The following CEP131 variants were observed in gnomAD, a reference collection of about 807,000 sequenced individuals.
CEP131 encodes centrosomal protein 131, also known as centrosomal protein of 131 kDa.
In CEP131, 99 loss-of-function variants were observed where a neutral mutation model predicts 136.8. The ratio of observed to expected loss-of-function variants is 0.72; its 90% CI spans 0.62 to 0.86. The LOEUF (loss-of-function observed/expected upper bound fraction) is 0.86. CEP131 is among the 40% of genes least tolerant of loss of function. The pLI, the probability that CEP131 is intolerant of heterozygous loss-of-function variation, is 0.00. For synonymous variants in CEP131, 646 were observed against 612.7 expected (o/e 1.05, Z -0.80); for missense variants, 1,459 against 1,463.0 (o/e 1.00, Z 0.04).
intron 2 of CEP131, among the ~76,000 whole-genome samples, chr17:81,211,613 G>C (rs936501792): frequency 6.6e-6 from 1 of 152,166 alleles, no homozygotes; most frequent in Non-Finnish European, 1.5e-5. Context: ...TTTACCAGGG[G>C]CCTTGGGCCA....
intron 7 of CEP131, among the ~76,000 whole-genome samples, chr17:81,201,842 C>T (rs1026945378): frequency 7.2e-5 from 11 of 152,208 alleles, no homozygotes; most frequent in African/African-American, 2.7e-4. Context: ...TGGCTCACGC[C>T]TGTAATCCCA....
At position 81,198,303 on chromosome 17, in the gene CEP131, A is replaced by G; in HGVS notation, c.1288-6T>C. The stretch of plus-strand genomic sequence containing the variant: ...GCATCCTGGGCAAGAACGTCCTGCA[A>G]AAGAGCAGGGAGACAGATGCAGCAA... On this transcript the variant is annotated splice_polypyrimidine_tract_variant and splice_region_variant and intron_variant, in intron 11 of 25. Transcript: ENST00000450824. 6.3e-7 allele frequency: 1 copy of G among 1,590,434 alleles called. No individual in the cohort carries two copies. Among genetic ancestry groups the G allele is most frequent in the Non-Finnish European group, 8.6e-7 (1 of 1,167,038 alleles).
chr17:81,190,739 C>A lies in CEP131; in HGVS notation c.3007G>T (p.Asp1003Tyr). The change falls in exon 24 of 26, where the codon GAC (aspartate) becomes TAC (tyrosine). Residue 1003 changes from aspartate to tyrosine, a missense_variant. By Grantham distance (160) the Asp-to-Tyr change is radical. Around this residue, in one of 3 missense-constraint regions of CEP131, gnomAD observed 1,026 missense variants for 964.2 expected, o/e 1.06. Transcript: ENST00000450824. ...LAQVIRQEFE[D>Y]RLAASEEETR... ...TCCTCCTCAGAGGCTGCCAGCCGGT[C>A]CTCGAACTCCTGGCGGATCACCTGG... is the stretch of plus-strand genomic sequence containing the variant. 6.2e-7 allele frequency: 1 copy of A among 1,611,754 alleles called. No homozygotes were observed. Among genetic ancestry groups the A allele is most frequent in the Non-Finnish European group, 8.5e-7 (1 of 1,179,556 alleles).
chr17:81,197,553 C>T, intron 13 of CEP131, 159 bp downstream of exon 13: 1 of 1,137,622 alleles, frequency 8.8e-7, no homozygotes, highest in Non-Finnish European at 1.2e-6. Flanking sequence ...TGGTGAGGGA[C>T]CACCTCCTGC....
Position 81,199,745 on chromosome 17 carries a change from G to A in CEP131, c.997C>T (p.Arg333Cys), listed in dbSNP as rs765339625. 7.5e-6 allele frequency: 12 copies of A among 1,610,408 alleles called. No homozygotes were observed. Among genetic ancestry groups the A allele is most frequent in the Admixed American group, 1.7e-5 (1 of 60,014 alleles). The change falls in exon 9 of 26, where the codon CGC (arginine) becomes TGC (cysteine). Residue 333 changes from arginine to cysteine, a missense_variant. By Grantham distance (180) the Arg-to-Cys change is radical. Transcript: ENST00000450824. ...ARRKAREEKA[R>C]QARRAAIQEL... ...TGAATGGCTGCTCGCCTGGCTTGGC[G>A]TGCCTTCTCCTCCCGGGCCTTCCTC...
intron 1 of CEP131, among the ~76,000 whole-genome samples, chr17:81,220,683 T>C (rs1159977592): frequency 6.6e-6 from 1 of 151,918 alleles, no homozygotes; most frequent in African/African-American, 2.4e-5. Flanking sequence ...TTAGTAGAAG[T>C]AGAAACGGGG....
At chr17:81,205,383 GTAGGA>G in intron 5 of CEP131, among the ~76,000 whole-genome samples, 1 of 130,410 alleles carries the variant, frequency 7.7e-6, no homozygotes, top group African/African-American at 2.9e-5. Context: ...CAGCAGTGGG[GTAGGA>G]GGGGCAGCGG....
Position 81,203,061 on chromosome 17 carries a change from C to T in CEP131, c.629+433G>A, listed in dbSNP as rs1487956317. On this transcript the variant is annotated intron_variant, in intron 6 of 25. Coordinates refer to ENST00000450824, the MANE Select transcript of CEP131 (RefSeq NM_014984.4). The surrounding 1 kb of genome is among the most constrained non-coding windows in gnomAD (Gnocchi z 4.6). ...CAACCCCAAGGCCATCCCCAATCCC[C>T]GCAAGACCATGTGGTGGTGGACTCG... Among the ~76,000 whole-genome samples, 4 of 152,238 alleles carry T rather than the reference C, an allele frequency of 2.6e-5. No individual in the cohort carries two copies. Among genetic ancestry groups the T allele is most frequent in the African/African-American group, 7.2e-5 (3 of 41,468 alleles).
intron 1 of CEP131, among the ~76,000 whole-genome samples, chr17:81,222,250 G>A (rs1466363209): frequency 6.6e-6 from 1 of 152,146 alleles, no homozygotes; most frequent in Non-Finnish European, 1.5e-5. Context: ...AGGACCTGAA[G>A]GGGCGGGGAC....
Position 81,199,759 on chromosome 17 carries a change from C to T in CEP131, c.983G>A (p.Arg328Gln), listed in dbSNP as rs370591179. The T allele has an allele frequency of 2.4e-5, 39 of 1,611,140 alleles. No homozygotes were observed. The highest frequency in any genetic ancestry group is 1.6e-4 in the Middle Eastern group (1 of 6,062). Residue 328 changes from arginine to glutamine, a missense_variant, in exon 9 of 26, where the codon CGG becomes CAG. Around this residue, in one of 3 missense-constraint regions of CEP131, gnomAD observed 246 missense variants for 318.9 expected, o/e 0.77. Transcript: ENST00000450824. ...QQKEAARRKA[R>Q]EEKARQARRA... Reference sequence around the variant, plus strand: ...CCTGGCTTGGCGTGCCTTCTCCTCCCGGGCCTTCCTCCTGGCTGCCTCTTT... The same window carrying T: ...CCTGGCTTGGCGTGCCTTCTCCTCCTGGGCCTTCCTCCTGGCTGCCTCTTT...
chr17:81,200,286 A>AC (rs748549558), intron 8 of CEP131, 43 bp downstream of exon 8: 7 of 1,484,348 alleles, frequency 4.7e-6, no homozygotes, highest in Middle Eastern at 1.7e-4. Flanking sequence ...TCTGGGCCAG[A>AC]CCCCCCGGGG....
intron 15 of CEP131, 115 bp downstream of exon 15, chr17:81,196,585 AC>A (rs1203170070): frequency 2.1e-6 from 3 of 1,418,884 alleles, no homozygotes; most frequent in Non-Finnish European, 2.8e-6. Context: ...TCCAGCGGAC[AC>A]CCGTGTGACA....
chr17:81,217,165 A>G (rs1318244587), intron 2 of CEP131, among the ~76,000 whole-genome samples: 1 of 152,154 alleles, frequency 6.6e-6, no homozygotes, highest in Non-Finnish European at 1.5e-5. Flanking sequence ...ATAATGATCT[A>G]GGGGGCTAGA....
At chr17:81,201,678 T>C (rs1346062147) in intron 7 of CEP131, among the ~76,000 whole-genome samples, 1 of 152,220 alleles carries the variant, frequency 6.6e-6, no homozygotes, top group African/African-American at 2.4e-5. Flanking sequence ...AGTTCTGGAA[T>C]GTTCCACTGC....
rs2146521374 is a variant in CEP131, at chr17:81,194,907, A to C, written c.2082T>G (p.Ser694Arg). Residue 694 changes from serine (S) to arginine (R), a missense_variant, in exon 17 of 26, where the codon AGT becomes AGG. Around this residue, in one of 3 missense-constraint regions of CEP131, gnomAD observed 1,026 missense variants for 964.2 expected, o/e 1.06. Coordinates refer to ENST00000450824, the MANE Select transcript of CEP131 (RefSeq NM_014984.4). ...TEKARREKWI[S>R]EKTKKIKEVT... is the part of the protein sequence containing the mutation. Reference sequence around the variant, plus strand: ...CCTCCTTGATCTTCTTGGTTTTCTCACTGATCCACTTCTCCCGGCGGGCTT... The same window carrying C: ...CCTCCTTGATCTTCTTGGTTTTCTCCCTGATCCACTTCTCCCGGCGGGCTT... 7.4e-6 allele frequency: 12 copies of C among 1,611,430 alleles called. No homozygotes were observed. The highest frequency in any genetic ancestry group is 9.3e-6 in the Non-Finnish European group (11 of 1,179,600).
Position 81,189,910 on chromosome 17 carries a change from C to T in CEP131, c.3168+5G>A, listed in dbSNP as rs1249415283. ...GGTCCAGCAGGGCTGGCCACAGGGA[C>T]TCACCTCATGTTGTGTCCGGAGGCT... On this transcript the variant is annotated splice_donor_5th_base_variant and intron_variant, in intron 25 of 25. Transcript: ENST00000450824. The T allele has an allele frequency of 1.2e-6, 2 of 1,612,826 alleles. No homozygotes were observed. Among genetic ancestry groups the T allele is most frequent in the Admixed American group, 1.7e-5 (1 of 59,986 alleles).
At position 81,191,191 on chromosome 17, in the gene CEP131, A is replaced by C; in HGVS notation, c.2765+2T>G. ...GGTGACCCAGCCATGGCGGGTCCTTACCGGCTCTCGGCAGCCTTCTCACTC... is the reference window on the plus strand; with the variant it reads ...GGTGACCCAGCCATGGCGGGTCCTTCCCGGCTCTCGGCAGCCTTCTCACTC... On this transcript the variant is annotated splice_donor_variant, in intron 22 of 25. Transcript: ENST00000450824. LOFTEE classifies it high-confidence loss of function. 6.2e-7 allele frequency: 1 copy of C among 1,610,826 alleles called. No homozygotes were observed. The highest frequency in any genetic ancestry group is 8.5e-7 in the Non-Finnish European group (1 of 1,178,748).
chr17:81,191,444 A>C, intron 21 of CEP131, 109 bp from the exon 22 acceptor site: 1 of 1,032,246 alleles, frequency 9.7e-7, no homozygotes, highest in African/African-American at 1.6e-5. Context: ...ACAGGGGAGC[A>C]AGGGGCCTTC....
At position 81,189,856 on chromosome 17, in the gene CEP131, CA is replaced by C. The variant is rs1189744986; in HGVS notation, c.3169-14del. On this transcript the variant is annotated splice_polypyrimidine_tract_variant and intron_variant, in intron 25 of 25. Coordinates refer to ENST00000450824, the MANE Select transcript of CEP131 (RefSeq NM_014984.4). Reference sequence around the variant, plus strand: ...GCTTCACCGCAGCCTGCAGCACACCCACAGGGTCAGGCCTGCTCCCAGCCCC... The same window carrying C: ...GCTTCACCGCAGCCTGCAGCACACCCCAGGGTCAGGCCTGCTCCCAGCCCC... 3 of 1,612,406 alleles carry C rather than the reference CA, an allele frequency of 1.9e-6. No homozygotes were observed. The Admixed American group carries it at 5.0e-5, about 27-fold the overall frequency.
Sources: allele counts gnomAD v4.1 joint callset (sites outside exome capture counted in the v4.1 genomes callset), GRCh38; gene constraint gnomAD v4.1.1; regional missense constraint gnomAD v4.1.1; non-coding constraint Gnocchi (gnomAD v3.1); transcripts MANE v1.5; gene names NCBI Gene and HGNC (gene_info 2026-07-23, HGNC 2026-07-21).